The following ZFC3H1 variants were observed in gnomAD, a reference collection of about 807,000 sequenced individuals.
ZFC3H1 encodes the protein zinc finger C3H1 domain-containing protein.
A neutral mutation model predicts 243.7 loss-of-function variants in ZFC3H1; 71 were observed. That is an observed-to-expected ratio of 0.29 (90% CI 0.24 to 0.36). The LOEUF (loss-of-function observed/expected upper bound fraction) is 0.36. ZFC3H1 is among the 10% of genes least tolerant of loss of function. The probability of loss-of-function intolerance (pLI) is 1.00; values close to 1 mark genes in which losing one functional copy is unlikely to be tolerated. For missense variants in ZFC3H1, 1,966 were observed against 2,317.1 expected (o/e 0.85, Z 3.11); for synonymous variants, 838 against 813.0 (o/e 1.03, Z -0.52).
chr12:71,614,593 C>T lies in ZFC3H1; in HGVS notation c.5468G>A (p.Arg1823Gln), dbSNP rs758720987. The T allele has an allele frequency of 1.1e-5, 17 of 1,612,864 alleles. No homozygotes were observed. The highest frequency in any genetic ancestry group is 1.7e-5 in the Admixed American group (1 of 59,918). The change falls in exon 30 of 35, where the codon CGA becomes CAA. Residue 1823 changes from arginine to glutamine, a missense_variant. Transcript: ENST00000378743. ...VNRCLVTVPA[R>Q]YPIPFSSADY... is the part of the protein sequence containing the mutation. ...AGCACTGCTAAAAGGAATGGGGTAT[C>T]GGGCAGGGACTGTAACCAAACATCT...
intron 15 of ZFC3H1, 30 bp from the exon 16 acceptor site, chr12:71,631,917 C>T: frequency 6.2e-7 from 1 of 1,607,316 alleles, no homozygotes; most frequent in Non-Finnish European, 8.5e-7. Context: ...TTCTGTAAGG[C>T]AAATAAGGCT....
At chr12:71,623,285 C>A in intron 24 of ZFC3H1, 75 bp downstream of exon 24, 2 of 1,222,140 alleles carry the variant, frequency 1.6e-6, no homozygotes, top group South Asian at 1.7e-5. Context: ...CAGAGAATCA[C>A]AATAATGGGT....
chr12:71,649,862 C>A (rs1382469892), intron 2 of ZFC3H1, among the ~76,000 whole-genome samples: 1 of 152,160 alleles, frequency 6.6e-6, no homozygotes, highest in African/African-American at 2.4e-5. Flanking sequence ...ATTAACATAG[C>A]AGGTACCTTA....
At chr12:71,661,231 C>T (rs1016757968) in intron 1 of ZFC3H1, among the ~76,000 whole-genome samples, 1 of 149,832 alleles carries the variant, frequency 6.7e-6, no homozygotes, top group Non-Finnish European at 1.5e-5. Flanking sequence ...ACCCGGGAGG[C>T]GGAGCTTGCA....
chr12:71,656,825 A>T lies in ZFC3H1; in HGVS notation c.1015+60T>A, dbSNP rs573789976. ...TTCAATGAAGTACACTGCCAAAACA[A>T]GTAGTTACTACTTTAGAGGAAGAAG... On this transcript the variant is annotated intron_variant, in intron 2 of 34. Transcript: ENST00000378743. 1.9e-5 allele frequency: 28 copies of T among 1,495,620 alleles called. No individual in the cohort carries two copies. In the East Asian group the frequency reaches 4.5e-4, roughly 24 times the overall value. The allele number at this position is 1,495,620 out of a possible 1,614,324, so 92.6% of individuals were successfully genotyped here.
At position 71,634,838 on chromosome 12, in the gene ZFC3H1, A is replaced by T. The variant is rs758064749; in HGVS notation, c.2239-13T>A. On this transcript the variant is annotated splice_polypyrimidine_tract_variant and intron_variant, in intron 10 of 34. Coordinates refer to ENST00000378743, the MANE Select transcript of ZFC3H1 (RefSeq NM_144982.5). The stretch of plus-strand genomic sequence containing the variant: ...GTTTTGAAGCTTGCTAAAAAAAAAA[A>T]AACATTTGAAGTCAACTAGATCATC... 6.3e-7 allele frequency: 1 copy of T among 1,577,622 alleles called. No homozygotes were observed. Among genetic ancestry groups the T allele is most frequent in the Non-Finnish European group, 8.5e-7 (1 of 1,170,730 alleles).
chr12:71,648,053 C>T (rs1352735382), intron 2 of ZFC3H1, among the ~76,000 whole-genome samples: 2 of 152,098 alleles, frequency 1.3e-5, no homozygotes, highest in Non-Finnish European at 1.5e-5. Flanking sequence ...TAAAGCCACA[C>T]TTTTAATAAA....
chr12:71,650,494 A>C (rs1880856330), intron 2 of ZFC3H1, among the ~76,000 whole-genome samples: 1 of 152,110 alleles, frequency 6.6e-6, no homozygotes. Flanking sequence ...AAATATTACC[A>C]ACTGAAAGTC....
At chr12:71,612,989 T>A (rs924979590) in intron 31 of ZFC3H1, among the ~76,000 whole-genome samples, 2 of 152,212 alleles carry the variant, frequency 1.3e-5, no homozygotes, top group Non-Finnish European at 2.9e-5. Context: ...GGTGAAAATA[T>A]GAAAACATCT....
intron 2 of ZFC3H1, 106 bp downstream of exon 2, chr12:71,656,778 AT>A: frequency 2.5e-6 from 3 of 1,192,212 alleles, no homozygotes; most frequent in Non-Finnish European, 3.5e-6. Context: ...GTACAAAAGA[AT>A]TTACAGATAA....
rs1362810439 is a variant in ZFC3H1 at position 71,631,953 on chromosome 12, A to T, written c.3360+19T>A. 6.2e-7 allele frequency: 1 copy of T among 1,602,500 alleles called. No homozygotes were observed. The highest frequency in any genetic ancestry group is 8.5e-7 in the Non-Finnish European group (1 of 1,176,120). ...GGGTGAATTCCAGATTTTAAAGAAA[A>T]TATGAAATGTTCAGTTACCTGACCA... is the stretch of plus-strand genomic sequence containing the variant. On this transcript the variant is annotated intron_variant, in intron 15 of 34. Transcript: ENST00000378743.
chr12:71,636,410 G>A (rs1191418006), intron 9 of ZFC3H1, 80 bp downstream of exon 9: 7 of 1,358,884 alleles, frequency 5.2e-6, no homozygotes, highest in African/African-American at 1.5e-5. Context: ...AAACCAAGGG[G>A]TAGAAAACAG....
rs368248072 is a variant in ZFC3H1 at position 71,637,420 on chromosome 12, C to T, written c.1726-361G>A. On this transcript the variant is annotated intron_variant, in intron 7 of 34. Coordinates refer to ENST00000378743, the MANE Select transcript of ZFC3H1 (RefSeq NM_144982.5). ...GACTACCTGAAAGCAAGTAGAGGTA[C>T]TGAAACCCAAGACATAATATTTCAG... is the stretch of plus-strand genomic sequence containing the variant. Among the ~76,000 whole-genome samples, 35 of 152,162 alleles carry T rather than the reference C, an allele frequency of 2.3e-4. 1 individual carries two copies. In the South Asian group the frequency reaches 5.2e-3, roughly 23 times the overall value.
In ZFC3H1 at chr12:71,609,676, G is replaced by A. The variant is rs1879719985; in HGVS notation, c.*752C>T. On this transcript the variant is annotated 3_prime_UTR_variant, in exon 35 of 35. Coordinates refer to ENST00000378743, the MANE Select transcript of ZFC3H1 (RefSeq NM_144982.5). ...CAAAGTAGTATTTCAATACAAAGCA[G>A]TTCAAATATTAACTGTTCTTTAAAC... 6.6e-6 allele frequency: 1 copy of A among 152,144 alleles called. No individual in the cohort carries two copies. The highest frequency in any genetic ancestry group is 6.6e-5 in the Admixed American group (1 of 15,240). 9.4% of individuals were successfully genotyped at this position (152,144 alleles called of 1,614,324 possible).
rs771610605 is a variant in ZFC3H1 at position 71,611,861 on chromosome 12, C to T, written c.5654G>A (p.Ser1885Asn). The change falls in exon 32 of 35, where the codon AGC (serine) becomes AAC (asparagine). Residue 1885 changes from serine to asparagine, a missense_variant. By Grantham distance (46) the Ser-to-Asn change is conservative. Transcript: ENST00000378743. ...TTGAAGTTTCAGAATCTGAACATTG[C>T]TTTCTTCCCATTCATGTTGAAGTAA... ...LRLLQHEWEE[S>N]NVQILKLQAK... The T allele has an allele frequency of 1.2e-6, 2 of 1,605,374 alleles. No individual in the cohort carries two copies. The highest frequency in any genetic ancestry group is 1.7e-6 in the Non-Finnish European group (2 of 1,174,998).
chr12:71,642,987 G>A (rs1402810495), intron 5 of ZFC3H1, among the ~76,000 whole-genome samples: 1 of 152,080 alleles, frequency 6.6e-6, no homozygotes, highest in Non-Finnish European at 1.5e-5. Flanking sequence ...ATAAATTAAT[G>A]ATACCTGAAA....
intron 2 of ZFC3H1, among the ~76,000 whole-genome samples, chr12:71,651,702 T>A (rs1880890853): frequency 6.6e-6 from 1 of 152,130 alleles, no homozygotes; most frequent in Admixed American, 6.5e-5. Context: ...GAAGTCTTAT[T>A]GAAAAGAGGA....
intron 2 of ZFC3H1, among the ~76,000 whole-genome samples, 170 bp from the exon 3 acceptor site, chr12:71,647,983 CAA>C (rs1880769946): frequency 6.6e-6 from 1 of 152,120 alleles, no homozygotes; most frequent in African/African-American, 2.4e-5. Context: ...AAAATCTGAA[CAA>C]ACTCTTATCA....
chr12:71,612,045 T>C (rs899485410), intron 31 of ZFC3H1, among the ~76,000 whole-genome samples, 158 bp from the exon 32 acceptor site: 1 of 152,104 alleles, frequency 6.6e-6, no homozygotes, highest in Non-Finnish European at 1.5e-5. Flanking sequence ...AAAATTACCC[T>C]GGGACAGGAA....
Sources: gnomAD v4.1 joint callset for allele counts (sites outside exome capture counted in the v4.1 genomes callset) on GRCh38, gnomAD v4.1.1 for gene constraint, MANE v1.5 for transcripts, NCBI Gene and HGNC (gene_info 2026-07-23, HGNC 2026-07-21) for gene names.